The following DPYSL2 variants were observed in gnomAD, a reference collection of about 807,000 sequenced individuals.
DPYSL2 encodes the protein dihydropyrimidinase like 2.
In DPYSL2, 13 loss-of-function variants were observed where a neutral mutation model predicts 69.9. The ratio of observed to expected loss-of-function variants is 0.19; its 90% CI spans 0.12 to 0.30. DPYSL2 has a LOEUF of 0.30. Ranked by LOEUF, DPYSL2 falls within the 10% of genes least tolerant of loss-of-function variation. The probability of loss-of-function intolerance (pLI) is 1.00; values close to 1 mark genes in which losing one functional copy is unlikely to be tolerated. For synonymous variants in DPYSL2, 326 were observed against 359.1 expected (o/e 0.91, Z 1.04); for missense variants, 587 against 918.9 (o/e 0.64, Z 4.67).
At position 26,652,523 on chromosome 8, in the gene DPYSL2, A is replaced by C. The variant is rs764943959; in HGVS notation, c.1776+87A>C. ...CATTTATTAAGCACCTTGAGACAGA[A>C]TATTAAGATGAATTTAGTGGATTCC... On this transcript the variant is annotated intron_variant, in intron 12 of 13. Coordinates refer to ENST00000521913, the MANE Select transcript of DPYSL2 (RefSeq NM_001197293.3). This position sits in a 1 kb window ranked among gnomAD's most constrained non-coding sequence, Gnocchi z 6.3. The C allele has an allele frequency of 6.5e-6, 9 of 1,388,492 alleles. No individual in the cohort carries two copies. Among genetic ancestry groups the C allele is most frequent in the Non-Finnish European group, 7.8e-6 (8 of 1,019,924 alleles). The allele number at this position is 1,388,492 out of a possible 1,614,324, so 86.0% of individuals were successfully genotyped here. A position where few individuals can be genotyped will look rare whatever the true frequency, so the allele number is the denominator to read the frequency against.
chr8:26,617,569 T>G lies in DPYSL2; in HGVS notation c.629-6574T>G, dbSNP rs1464807216. 6.6e-6 allele frequency among the ~76,000 whole-genome samples: 1 copy of G among 152,208 alleles called. No homozygotes were observed. The highest frequency in any genetic ancestry group is 1.5e-5 in the Non-Finnish European group (1 of 68,028). Reference sequence around the variant, plus strand: ...AAATATGGCAAACTCCAAACGGGTCTTCTCTTTGAAGTTTTAGGGAGCAGC... The same window carrying G: ...AAATATGGCAAACTCCAAACGGGTCGTCTCTTTGAAGTTTTAGGGAGCAGC... On this transcript the variant is annotated intron_variant, in intron 3 of 13. Coordinates refer to ENST00000521913, the MANE Select transcript of DPYSL2 (RefSeq NM_001197293.3). The surrounding 1 kb of genome is among the most constrained non-coding windows in gnomAD (Gnocchi z 4.7).
intron 3 of DPYSL2, among the ~76,000 whole-genome samples, chr8:26,611,726 C>T (rs6557927): frequency 0.17 from 26,288 of 152,190 alleles, 2,376 homozygotes; most frequent in Middle Eastern, 0.24. Flanking sequence ...CCTTGCCTTC[C>T]CCCCAGGCCA....
intron 3 of DPYSL2, among the ~76,000 whole-genome samples, chr8:26,612,393 G>T (rs1480960548): frequency 6.6e-6 from 1 of 152,224 alleles, no homozygotes; most frequent in African/African-American, 2.4e-5. Context: ...ATGTTCATAA[G>T]AACATTATGT....
chr8:26,615,594 C>T (rs1585548269), intron 3 of DPYSL2, among the ~76,000 whole-genome samples: 1 of 152,058 alleles, frequency 6.6e-6, no homozygotes, highest in Admixed American at 6.6e-5. Context: ...TTTGGTCTGT[C>T]CTGTGTGCAC....
chr8:26,535,636 T>TATATATA (rs201620604), intron 1 of DPYSL2, among the ~76,000 whole-genome samples: 1 of 141,930 alleles, frequency 7.0e-6, no homozygotes, highest in African/African-American at 2.9e-5. Flanking sequence ...TATATATATA[T>TATATATA]TTTTTTTTTC....
intron 7 of DPYSL2, among the ~76,000 whole-genome samples, chr8:26,633,903 G>A (rs1183537111): frequency 2.6e-5 from 4 of 152,234 alleles, no homozygotes; most frequent in Admixed American, 1.3e-4. Flanking sequence ...GTAGACAAAC[G>A]GGGCCCACTC....
At chr8:26,552,193 G>C (rs1800883351) in intron 1 of DPYSL2, among the ~76,000 whole-genome samples, 1 of 152,116 alleles carries the variant, frequency 6.6e-6, no homozygotes, top group African/African-American at 2.4e-5. Flanking sequence ...TTAACTATGA[G>C]AAGATGAAAA....
At chr8:26,602,800 A>C (rs771454540) in intron 3 of DPYSL2, among the ~76,000 whole-genome samples, 1 of 152,244 alleles carries the variant, frequency 6.6e-6, no homozygotes, top group Non-Finnish European at 1.5e-5. Flanking sequence ...TACAAAGAAA[A>C]GATGAAAATG....
Position 26,637,026 on chromosome 8 carries a change from G to A in DPYSL2, c.1126+2126G>A, listed in dbSNP as rs1281959412. On this transcript the variant is annotated intron_variant, in intron 8 of 13. Coordinates refer to ENST00000521913, the MANE Select transcript of DPYSL2 (RefSeq NM_001197293.3). The stretch of plus-strand genomic sequence containing the variant: ...CAAAATACTGGGATTACAGGCATGA[G>A]CCACTGCACCTGGCCACCCCTATTG... 9.2e-5 allele frequency among the ~76,000 whole-genome samples: 14 copies of A among 152,318 alleles called. 1 individual carries two copies. In the South Asian group the frequency reaches 2.7e-3, roughly 29 times the overall value.
rs1480409330 is a variant in DPYSL2, at chr8:26,586,303, G to A, written c.628+2320G>A. 6.6e-6 allele frequency among the ~76,000 whole-genome samples: 1 copy of A among 152,098 alleles called. No homozygotes were observed. Among genetic ancestry groups the A allele is most frequent in the Non-Finnish European group, 1.5e-5 (1 of 68,020 alleles). Reference sequence around the variant, plus strand: ...TGAGGGATTTGTGCTACATGACCCTGGAAGTCCTTTCCAGCCCCCTACATT... The same window carrying A: ...TGAGGGATTTGTGCTACATGACCCTAGAAGTCCTTTCCAGCCCCCTACATT... On this transcript the variant is annotated intron_variant, in intron 3 of 13. Transcript: ENST00000521913. This position sits in a 1 kb window ranked among gnomAD's most constrained non-coding sequence, Gnocchi z 4.7.
At chr8:26,529,276 C>CTATCTATCTATCATCT (rs1554531948) in intron 1 of DPYSL2, among the ~76,000 whole-genome samples, 2 of 136,288 alleles carry the variant, frequency 1.5e-5, no homozygotes, top group African/African-American at 2.8e-5. Context: ...ATCTATCTAT[C>CTATCTATCTATCATCT]ATCTATCTAT....
In DPYSL2 at chr8:26,655,640, C is replaced by T. The variant is rs201158324; in HGVS notation, c.1968C>T (p.Pro656=). 2 of 1,610,734 alleles carry T rather than the reference C, an allele frequency of 1.2e-6. No individual in the cohort carries two copies. The highest frequency in any genetic ancestry group is 2.7e-5 in the African/African-American group (2 of 74,880). ...LSGAQIDDNI[P]RRTTQRIVAP... Reference sequence around the variant, plus strand: ...GTGCTCAGATTGATGACAACATTCCCCGCCGCACCACCCAGCGTATCGTGG... The same window carrying T: ...GTGCTCAGATTGATGACAACATTCCTCGCCGCACCACCCAGCGTATCGTGG... Residue 656 remains proline (P), a synonymous_variant, in exon 14 of 14, where the codon CCC becomes CCT. Coordinates refer to ENST00000521913, the MANE Select transcript of DPYSL2 (RefSeq NM_001197293.3).
In DPYSL2 at chr8:26,580,675, C is replaced by G. The variant is rs1563395356; in HGVS notation, c.355-1294C>G. ...TAAAGATTTTCTATGATTTCCTTTT[C>G]TTGGTAGCTGCTAAAGAGAGGTAGC... is the stretch of plus-strand genomic sequence containing the variant. On this transcript the variant is annotated intron_variant, in intron 1 of 13. Transcript: ENST00000521913. The surrounding 1 kb of genome is among the most constrained non-coding windows in gnomAD (Gnocchi z 4.1). Among the ~76,000 whole-genome samples the G allele has an allele frequency of 1.3e-5, 2 of 152,106 alleles. No individual in the cohort carries two copies. Among genetic ancestry groups the G allele is most frequent in the African/African-American group, 4.8e-5 (2 of 41,412 alleles).
Position 26,621,944 on chromosome 8 carries a change from G to A in DPYSL2, c.629-2199G>A, listed in dbSNP as rs1444789282. Among the ~76,000 whole-genome samples, 4 of 152,212 alleles carry A rather than the reference G, an allele frequency of 2.6e-5. No individual in the cohort carries two copies. The highest frequency in any genetic ancestry group is 9.7e-5 in the African/African-American group (4 of 41,446). On this transcript the variant is annotated intron_variant, in intron 3 of 13. Coordinates refer to ENST00000521913, the MANE Select transcript of DPYSL2 (RefSeq NM_001197293.3). This position sits in a 1 kb window ranked among gnomAD's most constrained non-coding sequence, Gnocchi z 4.9. Reference sequence around the variant, plus strand: ...AGGGGAATGGCAGTGTTTGATGAAAGGTTTAAGATCCTTCTAGCTGCTTCT... The same window carrying A: ...AGGGGAATGGCAGTGTTTGATGAAAAGTTTAAGATCCTTCTAGCTGCTTCT...
At chr8:26,590,892 G>A (rs1041292797) in intron 3 of DPYSL2, among the ~76,000 whole-genome samples, 1 of 152,260 alleles carries the variant, frequency 6.6e-6, no homozygotes, top group Non-Finnish European at 1.5e-5. Flanking sequence ...GGTTGGGCTA[G>A]CCAGGTAGGC....
rs190235895 is a variant in DPYSL2 at position 26,573,996 on chromosome 8, C to A, written c.355-7973C>A. On this transcript the variant is annotated intron_variant, in intron 1 of 13. Transcript: ENST00000521913. ...ATTTATGCACAAAATGTTAAGGGCACCTGCCAGAGACAAGGCAGTGTGCTG... is the reference window on the plus strand; with the variant it reads ...ATTTATGCACAAAATGTTAAGGGCAACTGCCAGAGACAAGGCAGTGTGCTG... Among the ~76,000 whole-genome samples the A allele has an allele frequency of 1.3e-4, 19 of 151,730 alleles. No homozygotes were observed. The East Asian group carries it at 3.7e-3, about 29-fold the overall frequency.
At chr8:26,639,981 G>A (rs1488462177) in intron 8 of DPYSL2, among the ~76,000 whole-genome samples, 1 of 152,168 alleles carries the variant, frequency 6.6e-6, no homozygotes, top group Admixed American at 6.5e-5. Context: ...GTTTGTTAGG[G>A]TCTGGCATAA....
At chr8:26,578,366 A>G (rs376446501) in intron 1 of DPYSL2, 65 of 1,602,380 alleles carry the variant, frequency 4.1e-5, no homozygotes, top group Admixed American at 5.3e-5. Flanking sequence ...AGGAATTTTT[A>G]AAAAGGAGGG....
chr8:26,600,362 C>T (rs900742802), intron 3 of DPYSL2, among the ~76,000 whole-genome samples: 2 of 152,032 alleles, frequency 1.3e-5, no homozygotes, highest in South Asian at 4.1e-4. Context: ...ACTTTCTGAG[C>T]AACAGTCAGA....
Sources: allele counts gnomAD v4.1 joint callset (sites outside exome capture counted in the v4.1 genomes callset), GRCh38; gene constraint gnomAD v4.1.1; non-coding constraint Gnocchi (gnomAD v3.1); transcripts MANE v1.5; gene names NCBI Gene and HGNC (gene_info 2026-07-23, HGNC 2026-07-21).